Variants in NCAPD3 observed in about 807,000 individuals in gnomAD.
NCAPD3 encodes the protein non-SMC condensin II complex subunit D3, also known as condensin-2 complex subunit D3.
Under a neutral mutation model 182.9 loss-of-function variants are expected in NCAPD3, and 105 were observed. That is an observed-to-expected ratio of 0.57 (90% CI 0.49 to 0.68). The LOEUF (loss-of-function observed/expected upper bound fraction) is 0.68, where lower values mean the gene tolerates loss of function less well. NCAPD3 is among the 30% of genes least tolerant of loss of function. NCAPD3 has a pLI of 0.00. For missense variants in NCAPD3, 1,944 were observed against 1,837.0 expected (o/e 1.06, Z -1.07); for synonymous variants, 815 against 679.9 (o/e 1.20, Z -3.09).
chr11:134,224,148 C>T (rs997639187), upstream of NCAPD3: 6 of 604,242 alleles, frequency 9.9e-6, no homozygotes, highest in South Asian at 4.0e-5. Flanking sequence ...AAGGCTCCTG[C>T]GGGTGTTCCG....
chr11:134,184,917 C>T lies in NCAPD3; in HGVS notation c.2321G>A (p.Arg774Gln), dbSNP rs981764004. The change falls in exon 18 of 35, where the codon CGG (arginine) becomes CAG (glutamine). Residue 774 changes from arginine (R) to glutamine (Q), a missense_variant. Physicochemically the swap from Arg to Gln is conservative, Grantham distance 43. Around this residue, in one of 3 missense-constraint regions of NCAPD3, gnomAD observed 1,803 missense variants for 1,674.6 expected, o/e 1.08. Coordinates refer to ENST00000534548, the MANE Select transcript of NCAPD3 (RefSeq NM_015261.3). Reference protein sequence around the residue: ...HIAKHLPKSTRDKVTDAVKCK... With the variant: ...HIAKHLPKSTQDKVTDAVKCK... ...CAGACACTCACCAGTCACTTTGTCC[C>T]GGGTGCTCTTAGGAAGATGCTTTGC... 3.7e-6 allele frequency: 6 copies of T among 1,612,282 alleles called. No individual in the cohort carries two copies. Among genetic ancestry groups the T allele is most frequent in the South Asian group, 3.3e-5 (3 of 91,044 alleles).
At chr11:134,163,010 G>A (rs546170265) in intron 27 of NCAPD3, among the ~76,000 whole-genome samples, 3 of 152,172 alleles carry the variant, frequency 2.0e-5, no homozygotes, top group Admixed American at 6.5e-5. Flanking sequence ...AGACCCAGAG[G>A]CAAGAGCACA....
chr11:134,210,164 T>C, intron 4 of NCAPD3, 106 bp downstream of exon 4: 1 of 927,864 alleles, frequency 1.1e-6, no homozygotes, highest in Non-Finnish European at 1.7e-6. Context: ...TTAGGACCAT[T>C]TGCCTATAAT....
intron 20 of NCAPD3, 143 bp downstream of exon 20, chr11:134,180,934 C>A: frequency 6.7e-6 from 4 of 598,036 alleles, no homozygotes; most frequent in African/African-American, 3.8e-5. Flanking sequence ...TTAAAAATAT[C>A]TTCTAAAAAG....
At chr11:134,178,064 TAAA>T (rs1271046730) in intron 22 of NCAPD3, 1 of 151,312 alleles carries the variant, frequency 6.6e-6, no homozygotes, top group South Asian at 2.1e-4. Flanking sequence ...AAAGGAAAAA[TAAA>T]AAAACAAAAA....
intron 18 of NCAPD3, 36 bp downstream of exon 18, chr11:134,184,867 T>C (rs1187592194): frequency 9.3e-6 from 14 of 1,497,444 alleles, no homozygotes; most frequent in Non-Finnish European, 1.3e-5. Context: ...TGAACAGCAA[T>C]GCATTTTCAC....
intron 13 of NCAPD3, among the ~76,000 whole-genome samples, chr11:134,195,114 A>G (rs1231342918): frequency 2.6e-5 from 4 of 152,110 alleles, no homozygotes; most frequent in South Asian, 2.1e-4. Context: ...ACATTTTTTT[A>G]TAAGAGACAG....
At chr11:134,214,016 A>C (rs1937932734) in intron 3 of NCAPD3, among the ~76,000 whole-genome samples, 1 of 152,060 alleles carries the variant, frequency 6.6e-6, no homozygotes, top group African/African-American at 2.4e-5. Context: ...AGAACAAATA[A>C]ACAGAACATC....
chr11:134,223,295 C>A, intron 1 of NCAPD3: 1 of 624,328 alleles, frequency 1.6e-6, no homozygotes, highest in Middle Eastern at 3.6e-4. Flanking sequence ...GCAGCAGCAT[C>A]AGGAATGGAG....
chr11:134,157,868 T>G, intron 31 of NCAPD3, 60 bp downstream of exon 31: 1 of 1,521,338 alleles, frequency 6.6e-7, no homozygotes, highest in Non-Finnish European at 8.9e-7. Context: ...AAGAAGTAGC[T>G]TGTTCTGTGT....
chr11:134,220,449 T>C, intron 2 of NCAPD3, 123 bp downstream of exon 2: 1 of 832,472 alleles, frequency 1.2e-6, no homozygotes, highest in Non-Finnish European at 1.9e-6. Context: ...ACATTCTTTA[T>C]GTTACTCATA....
Position 134,205,382 on chromosome 11 carries a change from C to T in NCAPD3, c.1017-411G>A, listed in dbSNP as rs1430415426. Among the ~76,000 whole-genome samples, 287 of 143,346 alleles carry T rather than the reference C, an allele frequency of 2.0e-3. 2 individuals are homozygous for T. Among genetic ancestry groups the T allele is most frequent in the South Asian group, 0.019 (86 of 4,456 alleles). The allele number at this position is 143,346 out of a possible 152,430, so 94.0% of individuals were successfully genotyped here. ...CAAACTTTAACCCAATAAGAAATTT[C>T]TTTTTTTTTTTTTTGTAGATGGAGT... On this transcript the variant is annotated intron_variant, in intron 8 of 34. Coordinates refer to ENST00000534548, the MANE Select transcript of NCAPD3 (RefSeq NM_015261.3).
At chr11:134,208,980 A>G in intron 6 of NCAPD3, 29 bp from the exon 7 acceptor site, 5 of 1,524,814 alleles carry the variant, frequency 3.3e-6, no homozygotes, top group South Asian at 1.2e-5. Flanking sequence ...ATATTAGTTA[A>G]TGGATATGAT....
chr11:134,218,072 T>C (rs1938091421), intron 2 of NCAPD3, among the ~76,000 whole-genome samples: 1 of 114,580 alleles, frequency 8.7e-6, no homozygotes, highest in African/African-American at 3.4e-5. Context: ...CATTCCAGCC[T>C]GGGTGACAGA....
At chr11:134,168,642 A>G in intron 25 of NCAPD3, 40 bp from the exon 26 acceptor site, 1 of 1,612,646 alleles carries the variant, frequency 6.2e-7, no homozygotes, top group Non-Finnish European at 8.5e-7. Context: ...TCACATGGGC[A>G]CGGGTGTAAG....
At chr11:134,175,748 TAAA>T (rs1368209926) in intron 24 of NCAPD3, among the ~76,000 whole-genome samples, 1 of 151,166 alleles carries the variant, frequency 6.6e-6, no homozygotes, top group East Asian at 1.9e-4. Context: ...AAAAAATCTT[TAAA>T]AAAAAAGATG....
At position 134,168,031 on chromosome 11, in the gene NCAPD3, C is replaced by G. The variant is rs752927657; in HGVS notation, c.3538G>C (p.Val1180Leu). Residue 1180 changes from valine (V) to leucine (L), a missense_variant, in exon 27 of 35, where the codon GTC becomes CTC. By Grantham distance (32) the Val-to-Leu change is conservative. This residue lies in a region of NCAPD3 where 1,803 missense variants were observed against 1,674.6 expected (regional missense o/e 1.08). Coordinates refer to ENST00000534548, the MANE Select transcript of NCAPD3 (RefSeq NM_015261.3). Reference sequence around the variant, plus strand: ...AGCTTCTTCTGAGCTTCCTGCATGACTACATTTGCCAAGGCCATGTCATCT... The same window carrying G: ...AGCTTCTTCTGAGCTTCCTGCATGAGTACATTTGCCAAGGCCATGTCATCT... ...EEDDMALANV[V>L]MQEAQKKLIS... The G allele has an allele frequency of 6.2e-7, 1 of 1,613,872 alleles. No homozygotes were observed. Among genetic ancestry groups the G allele is most frequent in the Non-Finnish European group, 8.5e-7 (1 of 1,179,782 alleles).
intron 6 of NCAPD3, 89 bp downstream of exon 6, chr11:134,209,056 A>T: frequency 6.8e-7 from 1 of 1,469,670 alleles, no homozygotes; most frequent in Non-Finnish European, 9.4e-7. Context: ...CTGTGTGCCA[A>T]TTGGGATAAA....
At chr11:134,224,157 C>A (rs573854183), upstream of NCAPD3, 45 of 599,606 alleles carry the variant, frequency 7.5e-5, no homozygotes, top group African/African-American at 2.1e-4. Context: ...GCGGGTGTTC[C>A]GCTAATTCGT....
Sources: allele counts gnomAD v4.1 joint callset (sites outside exome capture counted in the v4.1 genomes callset), GRCh38; gene constraint gnomAD v4.1.1; regional missense constraint gnomAD v4.1.1; transcripts MANE v1.5; gene names NCBI Gene and HGNC (gene_info 2026-07-23, HGNC 2026-07-21).